Variants in DNAAF11 observed in about 807,000 individuals in gnomAD.
DNAAF11 encodes dynein axonemal assembly factor 11.
In DNAAF11, 45 loss-of-function variants were observed where a neutral mutation model predicts 60.8. The ratio of observed to expected loss-of-function variants is 0.74; its 90% CI spans 0.58 to 0.95. DNAAF11 has a LOEUF of 0.95. Ranked by LOEUF, DNAAF11 falls within the 40% of genes least tolerant of loss-of-function variation. The pLI is 0.00. For synonymous variants in DNAAF11, 191 were observed against 183.5 expected, an observed-to-expected ratio of 1.04 and a Z score of -0.33; for missense variants, 546 against 546.2, an observed-to-expected ratio of 1.00 and a Z score of 0.00.
chr8:132,602,212 T>C (rs1817701015), intron 10 of DNAAF11, among the ~76,000 whole-genome samples: 1 of 152,150 alleles, frequency 6.6e-6, no homozygotes, highest in Non-Finnish European at 1.5e-5. Context: ...ACCACTTTTG[T>C]ATTTTCTGTT....
intron 1 of DNAAF11, among the ~76,000 whole-genome samples, chr8:132,665,468 A>T (rs1468330029): frequency 1.3e-5 from 2 of 152,102 alleles, no homozygotes; most frequent in East Asian, 3.9e-4. Flanking sequence ...GGAAGACACA[A>T]AAGTGCCCAG....
the DNAAF11 span, among the ~76,000 whole-genome samples, chr8:132,681,340 A>G: frequency 1.4e-5 from 2 of 142,934 alleles, no homozygotes; most frequent in Non-Finnish European, 3.0e-5. Context: ...TTTTTGGCAA[A>G]CAAAGCAATC....
intron 3 of DNAAF11, among the ~76,000 whole-genome samples, chr8:132,654,467 T>C (rs1193814360): frequency 6.6e-6 from 1 of 151,996 alleles, no homozygotes; most frequent in Non-Finnish European, 1.5e-5. Context: ...AATGGCAGCA[T>C]GTACAATCTT....
At chr8:132,642,790 A>G (rs1821985352) in intron 3 of DNAAF11, among the ~76,000 whole-genome samples, 1 of 152,226 alleles carries the variant, frequency 6.6e-6, no homozygotes, top group Non-Finnish European at 1.5e-5. Flanking sequence ...CAAATGAGCT[A>G]AGGAATTACC....
intron 10 of DNAAF11, among the ~76,000 whole-genome samples, chr8:132,589,857 G>A (rs558595808): frequency 5.3e-5 from 8 of 152,290 alleles, no homozygotes; most frequent in African/African-American, 1.9e-4. Flanking sequence ...GGGGTCATTT[G>A]CATGAAATAC....
rs1410646552 is a variant in DNAAF11, at chr8:132,572,350, C to A, written c.1357G>T (p.Asp453Tyr). Residue 453 changes from aspartate to tyrosine, a missense_variant, in exon 12 of 12, where the codon GAC (aspartate) becomes TAC (tyrosine). Transcript: ENST00000620350. Reference protein sequence around the residue: ...PEPKIIPSEEDPTFEDNPEVP... With the variant: ...PEPKIIPSEEYPTFEDNPEVP... Reference sequence around the variant, plus strand: ...TCAGGGTTGTCTTCAAAGGTTGGGTCTTCCTCACTTGGTATAATTTTGGGT... The same window carrying A: ...TCAGGGTTGTCTTCAAAGGTTGGGTATTCCTCACTTGGTATAATTTTGGGT... The A allele has an allele frequency of 6.2e-7, 1 of 1,613,832 alleles. No individual in the cohort carries two copies. Among genetic ancestry groups the A allele is most frequent in the Non-Finnish European group, 8.5e-7 (1 of 1,179,930 alleles).
intron 10 of DNAAF11, among the ~76,000 whole-genome samples, chr8:132,598,094 T>C (rs1375622464): frequency 6.6e-6 from 1 of 152,206 alleles, no homozygotes; most frequent in Non-Finnish European, 1.5e-5. Context: ...AGAATTTCAT[T>C]TCCTCTTCTG....
chr8:132,644,289 T>G (rs552814479), intron 3 of DNAAF11, among the ~76,000 whole-genome samples: 1 of 152,154 alleles, frequency 6.6e-6, no homozygotes, highest in African/African-American at 2.4e-5. Context: ...AACAGTTATA[T>G]TCATAATAAC....
In DNAAF11 at chr8:132,675,488, G is replaced by A. The variant is rs144399982; in HGVS notation, c.6C>T (p.Gly2=). ...GGAAGGTGGAGGGGGGCTTACTCCA[G>A]CCCATGGCGCCTCTCCAGTTCGCTG... The part of the protein sequence containing the change: M[G]WITEDLIRRN... Residue 2 remains glycine, a synonymous_variant, in exon 1 of 12, where the codon GGC becomes GGT. Transcript: ENST00000620350. 1 of 1,567,538 alleles carries A rather than the reference G, an allele frequency of 6.4e-7. No individual in the cohort carries two copies. The highest frequency in any genetic ancestry group is 8.7e-7 in the Non-Finnish European group (1 of 1,153,824).
chr8:132,700,338 A>G, the DNAAF11 span, among the ~76,000 whole-genome samples: 3 of 152,108 alleles, frequency 2.0e-5, no homozygotes, highest in Admixed American at 1.3e-4. Flanking sequence ...GGACTTGGTC[A>G]TGGCCTTCCT....
chr8:132,675,785 C>T (rs1825737807), upstream of DNAAF11, among the ~76,000 whole-genome samples: 1 of 152,238 alleles, frequency 6.6e-6, no homozygotes, highest in Non-Finnish European at 1.5e-5. Context: ...CTCCCTGAAT[C>T]AATGGTTTAG....
At chr8:132,576,044 A>G (rs78686578) in intron 11 of DNAAF11, among the ~76,000 whole-genome samples, 2 of 152,330 alleles carry the variant, frequency 1.3e-5, no homozygotes, top group East Asian at 3.9e-4. Context: ...GAGATACTCA[A>G]GCAGTAGGGA....
the DNAAF11 span, among the ~76,000 whole-genome samples, chr8:132,702,636 G>T: frequency 1.3e-5 from 2 of 152,096 alleles, no homozygotes; most frequent in Non-Finnish European, 2.9e-5. Flanking sequence ...TTATGATCTA[G>T]CACTGTTTTA....
chr8:132,597,655 T>C (rs1391238193), intron 10 of DNAAF11, among the ~76,000 whole-genome samples: 2 of 152,216 alleles, frequency 1.3e-5, no homozygotes, highest in Non-Finnish European at 2.9e-5. Flanking sequence ...AGGATGCCCA[T>C]GATTTGGAAA....
chr8:132,619,994 C>T (rs903978205), intron 7 of DNAAF11, among the ~76,000 whole-genome samples: 20 of 151,812 alleles, frequency 1.3e-4, no homozygotes, highest in Non-Finnish European at 2.2e-4. Context: ...TTTTTCTCAA[C>T]GAAATAGGAA....
At chr8:132,695,268 C>T in the DNAAF11 span, among the ~76,000 whole-genome samples, 1 of 152,006 alleles carries the variant, frequency 6.6e-6, no homozygotes, top group African/African-American at 2.4e-5. Flanking sequence ...TTCTAAGCAA[C>T]GAAGAATCAA....
chr8:132,603,927 A>G (rs1006003003), intron 10 of DNAAF11, among the ~76,000 whole-genome samples: 1 of 152,150 alleles, frequency 6.6e-6, no homozygotes, highest in African/African-American at 2.4e-5. Context: ...GAGGGATTGC[A>G]TACACCACAG....
the DNAAF11 span, among the ~76,000 whole-genome samples, chr8:132,683,296 G>A: frequency 3.9e-5 from 6 of 152,186 alleles, no homozygotes; most frequent in Non-Finnish European, 8.8e-5. Flanking sequence ...GATTTTGTTT[G>A]ATGTTGAAGG....
intron 11 of DNAAF11, among the ~76,000 whole-genome samples, chr8:132,580,246 T>G (rs1815188533): frequency 6.6e-6 from 1 of 152,176 alleles, no homozygotes; most frequent in African/African-American, 2.4e-5. Flanking sequence ...CTCACTCCAC[T>G]ACTCAACACT....
Sources: gnomAD v4.1 joint callset for allele counts (sites outside exome capture counted in the v4.1 genomes callset) on GRCh38, gnomAD v4.1.1 for gene constraint, MANE v1.5 for transcripts, NCBI Gene and HGNC (gene_info 2026-07-23, HGNC 2026-07-21) for gene names.